The following BACH2 variants were observed in gnomAD, a reference collection of about 807,000 sequenced individuals.
BACH2 encodes BACH transcriptional regulator 2.
A neutral mutation model predicts 61.8 loss-of-function variants in BACH2; 5 were observed. The observed-to-expected ratio is 0.08, with a 90% confidence interval of 0.04 to 0.17. The LOEUF (loss-of-function observed/expected upper bound fraction) is 0.17, where lower values mean the gene tolerates loss of function less well. Ranked by LOEUF, BACH2 falls within the 10% of genes least tolerant of loss-of-function variation. The probability of loss-of-function intolerance (pLI) is 1.00; values close to 1 mark genes in which losing one functional copy is unlikely to be tolerated. For synonymous variants in BACH2, 446 were observed against 440.1 expected, an observed-to-expected ratio of 1.01 and a Z score of -0.17; for missense variants, 824 against 1,091.1, an observed-to-expected ratio of 0.76 and a Z score of 3.45.
intron 1 of BACH2, among the ~76,000 whole-genome samples, chr6:90,295,969 C>G (rs974728056): frequency 6.6e-6 from 1 of 152,086 alleles, no homozygotes; most frequent in African/African-American, 2.4e-5. Context: ...CGGAGCAGCC[C>G]GGGATGCGCA....
intron 8 of BACH2, among the ~76,000 whole-genome samples, chr6:89,936,466 G>A (rs7744774): frequency 0.048 from 7,232 of 152,198 alleles, 357 homozygotes; most frequent in East Asian, 0.2. Context: ...AAAGAACAAA[G>A]GAGATAGAAA....
intron 6 of BACH2, among the ~76,000 whole-genome samples, chr6:89,957,289 T>C (rs779491152): frequency 9.2e-5 from 14 of 152,258 alleles, no homozygotes; most frequent in Non-Finnish European, 2.9e-5. Flanking sequence ...ATATCCACAT[T>C]ATCACATTCT....
rs186213851 is a variant in BACH2 at position 90,137,592 on chromosome 6, T to C, written c.-161-48483A>G. 7.2e-4 allele frequency among the ~76,000 whole-genome samples: 110 copies of C among 152,316 alleles called. 3 individuals carry two copies. Among genetic ancestry groups the C allele is most frequent in the Non-Finnish European group, 6.3e-4 (43 of 68,038 alleles). Reference sequence around the variant, plus strand: ...ACTTGCCACACTTTTGAAAACATCTTCTACATACTTCTAGCTCTGGACAAA... The same window carrying C: ...ACTTGCCACACTTTTGAAAACATCTCCTACATACTTCTAGCTCTGGACAAA... On this transcript the variant is annotated intron_variant, in intron 4 of 8. Transcript: ENST00000257749.
At chr6:90,042,569 A>AGAAT (rs2127791665) in intron 5 of BACH2, among the ~76,000 whole-genome samples, 1 of 152,260 alleles carries the variant, frequency 6.6e-6, no homozygotes, top group South Asian at 2.1e-4. Flanking sequence ...GGCTACTGTG[A>AGAAT]GAATAAACAT....
intron 4 of BACH2, among the ~76,000 whole-genome samples, chr6:90,188,036 C>T (rs1447858075): frequency 1.3e-5 from 2 of 152,098 alleles, no homozygotes; most frequent in Non-Finnish European, 2.9e-5. Flanking sequence ...TCATAGGTTG[C>T]TGTCATCAAG....
intron 6 of BACH2, among the ~76,000 whole-genome samples, chr6:89,986,426 T>C (rs1287521601): frequency 6.6e-6 from 1 of 152,158 alleles, no homozygotes; most frequent in Non-Finnish European, 1.5e-5. Context: ...TTTTGTTTTT[T>C]CCCTAATATC....
At chr6:90,152,664 G>C (rs779812156) in intron 4 of BACH2, among the ~76,000 whole-genome samples, 2 of 152,192 alleles carry the variant, frequency 1.3e-5, no homozygotes, top group Non-Finnish European at 2.9e-5. Flanking sequence ...AAATATTTAA[G>C]TGAATGAGTT....
chr6:90,113,920 C>A (rs1333458491), intron 4 of BACH2, among the ~76,000 whole-genome samples: 1 of 151,964 alleles, frequency 6.6e-6, no homozygotes, highest in Non-Finnish European at 1.5e-5. Flanking sequence ...AAAACCTAGA[C>A]AAGATGGATA....
In BACH2 at chr6:89,930,115, AC is replaced by A. The variant is rs1772556935; in HGVS notation, c.*2292del. ...AGAGCTTTATCAAGATCTGTTTCAG[AC>A]ACACACACACACACACACACACACA... On this transcript the variant is annotated 3_prime_UTR_variant, in exon 9 of 9. Coordinates refer to ENST00000257749, the MANE Select transcript of BACH2 (RefSeq NM_021813.4). The A allele has an allele frequency of 1.1e-4, 1 of 8,948 alleles. No homozygotes were observed. The highest frequency in any genetic ancestry group is 2.3e-4 in the Non-Finnish European group (1 of 4,412). 0.6% of individuals were successfully genotyped at this position (8,948 alleles called of 1,614,324 possible).
chr6:90,055,840 T>C (rs1395617999), intron 5 of BACH2, among the ~76,000 whole-genome samples: 1 of 152,166 alleles, frequency 6.6e-6, no homozygotes, highest in Non-Finnish European at 1.5e-5. Context: ...AGAAAGAATT[T>C]TCAACCCAGA....
chr6:90,119,812 T>C (rs1783550939), intron 4 of BACH2, among the ~76,000 whole-genome samples: 1 of 152,198 alleles, frequency 6.6e-6, no homozygotes, highest in Non-Finnish European at 1.5e-5. Context: ...AAAAATCTGC[T>C]GACTGGGACA....
intron 6 of BACH2, among the ~76,000 whole-genome samples, chr6:89,990,059 C>T (rs1337852855): frequency 3.3e-5 from 5 of 152,134 alleles, no homozygotes; most frequent in Admixed American, 6.5e-5. Context: ...CTCAACCTTG[C>T]GGGGCCACTC....
At chr6:90,277,563 C>A (rs1771733193) in intron 1 of BACH2, among the ~76,000 whole-genome samples, 1 of 152,220 alleles carries the variant, frequency 6.6e-6, no homozygotes, top group Non-Finnish European at 1.5e-5. Context: ...CTGGTTACAA[C>A]AGCGTGTTCA....
intron 6 of BACH2, among the ~76,000 whole-genome samples, chr6:89,974,518 A>AATAT (rs1388629134): frequency 2.6e-5 from 4 of 152,212 alleles, no homozygotes; most frequent in Non-Finnish European, 4.4e-5. Context: ...TTCCCCATAT[A>AATAT]TCACGGGAGA....
intron 1 of BACH2, among the ~76,000 whole-genome samples, chr6:90,285,379 G>A (rs1434030143): frequency 6.6e-6 from 1 of 152,138 alleles, no homozygotes; most frequent in African/African-American, 2.4e-5. Context: ...TTGCACTGAG[G>A]GAGAAGTGGG....
intron 5 of BACH2, among the ~76,000 whole-genome samples, chr6:90,037,873 C>T (rs868732758): frequency 6.6e-6 from 1 of 152,140 alleles, no homozygotes; most frequent in Non-Finnish European, 1.5e-5. Flanking sequence ...GAGACAGAGA[C>T]ACAGGGAGAA....
chr6:90,003,394 C>A (rs1004352861), intron 6 of BACH2, among the ~76,000 whole-genome samples: 1 of 152,204 alleles, frequency 6.6e-6, no homozygotes, highest in African/African-American at 2.4e-5. Context: ...CCCCCTTGAA[C>A]AGGCTTTTCT....
At chr6:89,935,557 C>T (rs544242091) in intron 8 of BACH2, among the ~76,000 whole-genome samples, 2 of 152,266 alleles carry the variant, frequency 1.3e-5, no homozygotes, top group Admixed American at 6.5e-5. Flanking sequence ...CAGTCACAGA[C>T]GTACACTGAT....
chr6:90,079,066 G>C (rs1333003535), intron 5 of BACH2, among the ~76,000 whole-genome samples: 1 of 152,196 alleles, frequency 6.6e-6, no homozygotes, highest in Admixed American at 6.5e-5. Context: ...CACCATCAAT[G>C]GGATTGCGAA....
Sources: gnomAD v4.1 joint callset for allele counts (sites outside exome capture counted in the v4.1 genomes callset) on GRCh38, gnomAD v4.1.1 for gene constraint, MANE v1.5 for transcripts, NCBI Gene and HGNC (gene_info 2026-07-23, HGNC 2026-07-21) for gene names.